ITIH3: variants seen among roughly 807,000 people sequenced by gnomAD.
ITIH3 encodes inter-alpha-trypsin inhibitor heavy chain H3.
Under a neutral mutation model 96.5 loss-of-function variants are expected in ITIH3, and 81 were observed. The observed-to-expected ratio is 0.84, with a 90% CI of 0.70 to 1.01. The LOEUF is 1.01. Among genes scored for constraint, ITIH3 ranks in the 50% least tolerant of loss-of-function variants. ITIH3 has a pLI of 0.00. For missense variants in ITIH3, 1,057 were observed against 1,139.3 expected, an observed-to-expected ratio of 0.93 and a Z score of 1.04; for synonymous variants, 422 against 445.2, an observed-to-expected ratio of 0.95 and a Z score of 0.66.
intron 19 of ITIH3, 68 bp from the exon 20 acceptor site, chr3:52,807,679 C>A (rs1461983843): frequency 6.6e-7 from 1 of 1,513,106 alleles, no homozygotes; most frequent in Admixed American, 2.0e-5. Flanking sequence ...CACCAAAACG[C>A]CCTTGAGTCA....
chr3:52,806,358 G>A lies in ITIH3; in HGVS notation c.2008G>A (p.Asp670Asn), dbSNP rs780070848. Reference sequence around the variant, plus strand: ...AGACGATGCCCTCTGCTTCAACATCGATGAAGCCCCAGGCACAGTGCTGCG... The same window carrying A: ...AGACGATGCCCTCTGCTTCAACATCAATGAAGCCCCAGGCACAGTGCTGCG... ...EKDDALCFNI[D>N]EAPGTVLRLI... The change falls in exon 18 of 22, where the codon GAT (aspartate) becomes AAT (asparagine). Residue 670 changes from aspartate to asparagine, a missense_variant. Transcript: ENST00000449956. The A allele has an allele frequency of 2.4e-5, 39 of 1,613,830 alleles. No homozygotes were observed. The Admixed American group carries it at 3.2e-4, about 13-fold the overall frequency.
rs756250751 is a variant in ITIH3 at position 52,796,722 on chromosome 3, A to G, written c.282-17A>G. ...GCCCAGTGTGATCTCCCTACCCCCA[A>G]CTCTCTTTCCCTGCAGGACCATCGA... On this transcript the variant is annotated splice_polypyrimidine_tract_variant and intron_variant, in intron 3 of 21. Transcript: ENST00000449956. 8.1e-6 allele frequency: 13 copies of G among 1,608,010 alleles called. No individual in the cohort carries two copies. The highest frequency in any genetic ancestry group is 1.3e-5 in the African/African-American group (1 of 74,790).
At chr3:52,804,990 A>G in intron 15 of ITIH3, 1 of 530,612 alleles carries the variant, frequency 1.9e-6, no homozygotes, top group Non-Finnish European at 3.4e-6. Context: ...TGCAAAAATG[A>G]GCAATTTAGC....
rs1294840940 is a variant in ITIH3 at position 52,799,857 on chromosome 3, C to T, written c.1011C>T (p.Val337=). 6.2e-7 allele frequency: 1 copy of T among 1,613,896 alleles called. No individual in the cohort carries two copies. Among genetic ancestry groups the T allele is most frequent in the Non-Finnish European group, 8.5e-7 (1 of 1,179,820 alleles). ...TGTCCACATGGAAAGAGCACTTAGT[C>T]CAGGCCACGCCCGAGAACCTCCAGG... ...GDVSTWKEHL[V]QATPENLQEA... The change falls in exon 9 of 22, where the codon GTC becomes GTT. Residue 337 remains valine, a synonymous_variant. Coordinates refer to ENST00000449956, the MANE Select transcript of ITIH3 (RefSeq NM_002217.4).
chr3:52,797,419 G>A (rs971776939), intron 5 of ITIH3, among the ~76,000 whole-genome samples, 152 bp downstream of exon 5: 1 of 152,208 alleles, frequency 6.6e-6, no homozygotes, highest in Non-Finnish European at 1.5e-5. Context: ...CAATGGTTCT[G>A]GCCAAAAGCA....
intron 1 of ITIH3, 46 bp downstream of exon 1, chr3:52,794,942 G>A: frequency 6.8e-7 from 1 of 1,466,408 alleles, no homozygotes; most frequent in Non-Finnish European, 9.6e-7. Flanking sequence ...TGTGGAATGG[G>A]CAGAAGGCAT....
chr3:52,800,021 C>T, intron 9 of ITIH3, 100 bp downstream of exon 9: 1 of 1,166,216 alleles, frequency 8.6e-7, no homozygotes, highest in Non-Finnish European at 1.2e-6. Context: ...GGTCTCAGGC[C>T]CTCTTCAGAT....
chr3:52,799,240 C>T, intron 7 of ITIH3, 132 bp from the exon 8 acceptor site: 1 of 1,201,434 alleles, frequency 8.3e-7, no homozygotes, highest in Non-Finnish European at 1.2e-6. Flanking sequence ...GAGCCTGGTG[C>T]AGCACCCCCT....
chr3:52,795,047 C>T (rs554112830), intron 1 of ITIH3, among the ~76,000 whole-genome samples, 151 bp downstream of exon 1: 16 of 152,270 alleles, frequency 1.1e-4, no homozygotes, highest in South Asian at 1.0e-3. Context: ...GAACCGGGCT[C>T]CAGCTGAGGC....
At chr3:52,808,248 C>T (rs773406470) in intron 21 of ITIH3, 27 bp downstream of exon 21, 3 of 1,566,066 alleles carry the variant, frequency 1.9e-6, no homozygotes, top group Non-Finnish European at 1.8e-6. Flanking sequence ...CACACCCTCA[C>T]CTGCTCAGCA....
Position 52,802,557 on chromosome 3 carries a change from G to A in ITIH3, c.1569+38G>A, listed in dbSNP as rs777415415. On this transcript the variant is annotated intron_variant, in intron 12 of 21. Coordinates refer to ENST00000449956, the MANE Select transcript of ITIH3 (RefSeq NM_002217.4). ...AGGGCCTGGAAGTGTGCTGGGGATG[G>A]GGTATCAGCAGTGGTAGGGCTCTGG... 2.5e-6 allele frequency: 4 copies of A among 1,611,052 alleles called. No individual in the cohort carries two copies. In the Admixed American group the frequency reaches 6.7e-5, roughly 27 times the overall value.
chr3:52,802,944 A>C (rs993167108), intron 13 of ITIH3, 138 bp downstream of exon 13: 12 of 1,010,472 alleles, frequency 1.2e-5, no homozygotes, highest in Non-Finnish European at 2.9e-6. Flanking sequence ...TCTGTAAGGA[A>C]CCCCAGGCCG....
At chr3:52,804,608 C>G (rs1699969368) in intron 14 of ITIH3, 118 bp from the exon 15 acceptor site, 1 of 1,064,012 alleles carries the variant, frequency 9.4e-7, no homozygotes, top group Non-Finnish European at 1.4e-6. Context: ...GAAGAGCTGG[C>G]TGCTGGGAGG....
rs1421029228 is a variant in ITIH3, at chr3:52,803,299, TTTATTTATTTTATTTTATTATTATTA to T, written c.1709+496_1709+521del. On this transcript the variant is annotated intron_variant, in intron 13 of 21. Transcript: ENST00000449956. ...ATTTATTTATTTATTTATTTATTTA[TTTATTTATTTTATTTTATTATTATTA>T]TTTTTTTTTTTGAGACGGAGTCTCG... Among the ~76,000 whole-genome samples, 164 of 139,016 alleles carry T rather than the reference TTTATTTATTTTATTTTATTATTATTA, an allele frequency of 1.2e-3. 3 individuals are homozygous for T. In the South Asian group the frequency reaches 0.034, roughly 29 times the overall value. The allele number at this position is 139,016 out of a possible 152,430, so 91.2% of individuals were successfully genotyped here. A position where few individuals can be genotyped will look rare whatever the true frequency, so the allele number is the denominator to read the frequency against.
chr3:52,807,091 A>C lies in ITIH3; in HGVS notation c.2247A>C (p.Thr749=). ...CTTTCAGCTGGCTGGACACAGTCAC[A>C]GTCACGCAGGATGGGTAAGCTCCCC... ...PSTFSWLDTV[T]VTQDGLSMMI... The change falls in exon 19 of 22, where the codon ACA becomes ACC. Residue 749 remains threonine (T), a synonymous_variant. Transcript: ENST00000449956. 6.3e-7 allele frequency: 1 copy of C among 1,592,074 alleles called. No individual in the cohort carries two copies. The highest frequency in any genetic ancestry group is 8.6e-7 in the Non-Finnish European group (1 of 1,169,504).
chr3:52,804,838 A>C, intron 15 of ITIH3, 104 bp downstream of exon 15: 1 of 1,294,948 alleles, frequency 7.7e-7, no homozygotes, highest in Non-Finnish European at 1.1e-6. Flanking sequence ...ATGGGGGCAC[A>C]CTTGGGACAC....
rs139949746 is a variant in ITIH3, at chr3:52,795,562, T to C, written c.94-41T>C. 1,117 of 1,597,896 alleles carry C rather than the reference T, an allele frequency of 7.0e-4. 2 individuals carry two copies. The highest frequency in any genetic ancestry group is 1.6e-3 in the Admixed American group (94 of 57,210). Reference sequence around the variant, plus strand: ...GGCCATGCGGCCTTGGTGTTGGCCTTGGCCTGATTCCTGTGTTTGTGTTTG... The same window carrying C: ...GGCCATGCGGCCTTGGTGTTGGCCTCGGCCTGATTCCTGTGTTTGTGTTTG... On this transcript the variant is annotated intron_variant, in intron 1 of 21. Coordinates refer to ENST00000449956, the MANE Select transcript of ITIH3 (RefSeq NM_002217.4).
rs1559471067 is a variant in ITIH3, at chr3:52,799,394, ACTT to A, written c.816_818del (p.Phe273del). 1.2e-6 allele frequency: 2 copies of A among 1,604,282 alleles called. No individual in the cohort carries two copies. The highest frequency in any genetic ancestry group is 1.7e-6 in the Non-Finnish European group (2 of 1,175,274). Reference sequence around the variant, plus strand: ...CAGATAGTCAATGGCTACTTCGTGCACTTCTTTGCACCTCAAGGCCTTCCAGTG... The same window carrying A: ...CAGATAGTCAATGGCTACTTCGTGCACTTTGCACCTCAAGGCCTTCCAGTG... On this transcript the variant is annotated inframe_deletion, in exon 8 of 22. Transcript: ENST00000449956.
In ITIH3 at chr3:52,802,276, C is replaced by T. The variant is rs561289401; in HGVS notation, c.1384-58C>T. 1.2e-5 allele frequency: 18 copies of T among 1,565,068 alleles called. No homozygotes were observed. The African/African-American group carries it at 1.2e-4, about 11-fold the overall frequency. On this transcript the variant is annotated intron_variant, in intron 11 of 21. Transcript: ENST00000449956. ...GCCCTGGGGCATGGATGCCCAGCTG[C>T]AGCATCAGTGGGAGCCTGACCTGGG...
Sources: gnomAD v4.1 joint callset for allele counts (sites outside exome capture counted in the v4.1 genomes callset) on GRCh38, gnomAD v4.1.1 for gene constraint, MANE v1.5 for transcripts, NCBI Gene and HGNC (gene_info 2026-07-23, HGNC 2026-07-21) for gene names.